Variants in DOCK7 observed in about 807,000 individuals in gnomAD.
DOCK7 encodes dedicator of cytokinesis protein 7.
DOCK7 carries 138 observed loss-of-function variants against 271.0 expected under a neutral mutation model. The observed-to-expected ratio is 0.51, with a 90% CI of 0.44 to 0.59. DOCK7 has a LOEUF of 0.59. Ranked by LOEUF, DOCK7 falls within the 20% of genes least tolerant of loss-of-function variation. The pLI is 0.00. For synonymous variants in DOCK7, 823 were observed against 876.1 expected (o/e 0.94, Z 1.07); for missense variants, 2,066 against 2,592.4 (o/e 0.80, Z 4.41).
intron 14 of DOCK7, among the ~76,000 whole-genome samples, chr1:62,599,082 AG>A (rs1224246721): frequency 6.6e-6 from 1 of 152,078 alleles, no homozygotes; most frequent in Non-Finnish European, 1.5e-5. Context: ...GATTATTGTA[AG>A]AAAAAAAATT....
At chr1:62,535,038 G>C (rs1008207973) in intron 29 of DOCK7, among the ~76,000 whole-genome samples, 3 of 146,020 alleles carry the variant, frequency 2.1e-5, no homozygotes, top group Non-Finnish European at 4.5e-5. Context: ...GCAGTGAGCT[G>C]AGATCCTGCC....
At position 62,492,739 on chromosome 1, in the gene DOCK7, C is replaced by T. The variant is rs757810406; in HGVS notation, c.5326G>A (p.Gly1776Arg). ...GAAGCAGCTGCTTGTTCCAGTAATC[C>T]CACAAGTCCTGACTCAGTAAAGTAT... The part of the protein sequence containing the change: ...GKYFTESGLV[G>R]LLEQAAASFS... The change falls in exon 41 of 50, where the codon GGA (glycine) becomes AGA (arginine). Residue 1776 changes from glycine to arginine, a missense_variant. Coordinates refer to ENST00000635253, the MANE Select transcript of DOCK7 (RefSeq NM_001367561.1). 6.2e-7 allele frequency: 1 copy of T among 1,614,036 alleles called. No individual in the cohort carries two copies. Among genetic ancestry groups the T allele is most frequent in the South Asian group, 1.1e-5 (1 of 91,072 alleles).
intron 48 of DOCK7, 48 bp from the exon 49 acceptor site, chr1:62,457,753 TGG>T (rs1306844841): frequency 2.5e-6 from 4 of 1,579,408 alleles, no homozygotes. Context: ...GCATAGTTTG[TGG>T]GTTTAATGCC....
At chr1:62,553,320 A>T (rs1235320330) in intron 21 of DOCK7, among the ~76,000 whole-genome samples, 5 of 32,582 alleles carry the variant, frequency 1.5e-4, no homozygotes, top group East Asian at 1.1e-3. Context: ...TTTTATATAT[A>T]TATATATATA....
At chr1:62,473,020 C>T (rs1251779588) in intron 48 of DOCK7, among the ~76,000 whole-genome samples, 4 of 152,164 alleles carry the variant, frequency 2.6e-5, no homozygotes, top group Non-Finnish European at 5.9e-5. Context: ...CACCTTTTTC[C>T]TTTGCTGACT....
At chr1:62,527,110 AT>A (rs1645033880) in intron 31 of DOCK7, among the ~76,000 whole-genome samples, 1 of 152,190 alleles carries the variant, frequency 6.6e-6, no homozygotes, top group Non-Finnish European at 1.5e-5. Context: ...TTCCTTAAAT[AT>A]TACTGCATTT....
At chr1:62,555,323 A>G (rs1202930737) in intron 21 of DOCK7, 1 of 152,356 alleles carries the variant, frequency 6.6e-6, no homozygotes, top group Non-Finnish European at 1.5e-5. Context: ...AATGCCCAAC[A>G]GCACTCTGAA....
At chr1:62,455,597 C>T in intron 49 of DOCK7, 141 bp from the exon 50 acceptor site, 2 of 717,020 alleles carry the variant, frequency 2.8e-6, no homozygotes, top group East Asian at 2.7e-5. Context: ...GGATGCTCAT[C>T]CTACCTACTC....
chr1:62,616,488 A>G (rs1435537656), intron 14 of DOCK7, among the ~76,000 whole-genome samples: 1 of 151,810 alleles, frequency 6.6e-6, no homozygotes, highest in Non-Finnish European at 1.5e-5. Flanking sequence ...TACCAATGAG[A>G]AATTTTATTT....
rs554203377 is a variant in DOCK7 at position 62,561,784 on chromosome 1, A to G, written c.2113-81T>C. 7 of 722,786 alleles carry G rather than the reference A, an allele frequency of 9.7e-6. No homozygotes were observed. In the East Asian group the frequency reaches 2.2e-4, roughly 23 times the overall value. 44.8% of individuals were successfully genotyped at this position (722,786 alleles called of 1,614,324 possible). A position where few individuals can be genotyped will look rare whatever the true frequency, so the allele number is the denominator to read the frequency against. ...AAATAAACAAAAATTACAATATCCC[A>G]ATGAGAAAAATATTGTGAAAATATA... On this transcript the variant is annotated intron_variant, in intron 18 of 49. Coordinates refer to ENST00000635253, the MANE Select transcript of DOCK7 (RefSeq NM_001367561.1).
chr1:62,506,145 A>G (rs1394497823), intron 35 of DOCK7, among the ~76,000 whole-genome samples: 4 of 152,274 alleles, frequency 2.6e-5, no homozygotes, highest in Middle Eastern at 3.4e-3. Context: ...AACTAGAGAT[A>G]AGGCTGAAAA....
At chr1:62,623,280 A>C (rs1469882968) in intron 12 of DOCK7, among the ~76,000 whole-genome samples, 1 of 152,204 alleles carries the variant, frequency 6.6e-6, no homozygotes, top group Non-Finnish European at 1.5e-5. Context: ...TAGCTACTTA[A>C]AAATAGTTAC....
chr1:62,586,636 A>C lies in DOCK7; in HGVS notation c.1683-12T>G. The C allele has an allele frequency of 2.0e-6, 3 of 1,509,262 alleles. No individual in the cohort carries two copies. The highest frequency in any genetic ancestry group is 2.8e-6 in the Non-Finnish European group (3 of 1,087,842). 93.5% of individuals were successfully genotyped at this position (1,509,262 alleles called of 1,614,324 possible). On this transcript the variant is annotated splice_polypyrimidine_tract_variant and intron_variant, in intron 14 of 49. Transcript: ENST00000635253. Reference sequence around the variant, plus strand: ...TGTAGAGAAGATTTCTGTGAAAGCAACAGTATAGATGATAGTAAATACATA... The same window carrying C: ...TGTAGAGAAGATTTCTGTGAAAGCACCAGTATAGATGATAGTAAATACATA...
chr1:62,489,111 TAAGA>T, intron 41 of DOCK7, 46 bp from the exon 42 acceptor site: 1 of 1,487,274 alleles, frequency 6.7e-7, no homozygotes, highest in East Asian at 2.3e-5. Context: ...TTTACATCAA[TAAGA>T]AAGAAAAGTA....
chr1:62,528,338 A>C (rs1404046394), intron 30 of DOCK7, 33 bp from the exon 31 acceptor site: 2 of 1,566,384 alleles, frequency 1.3e-6, no homozygotes, highest in South Asian at 2.3e-5. Flanking sequence ...AATAAATAAA[A>C]CTGTTTAGCT....
intron 28 of DOCK7, among the ~76,000 whole-genome samples, chr1:62,536,892 C>A (rs1168016): frequency 0.98 from 149,971 of 152,302 alleles, 73,883 homozygotes; most frequent in Middle Eastern, 1. Flanking sequence ...AAAATCTCTT[C>A]ATCTCAATTT....
At chr1:62,523,557 A>C (rs1186566814) in intron 31 of DOCK7, among the ~76,000 whole-genome samples, 2 of 152,226 alleles carry the variant, frequency 1.3e-5, no homozygotes, top group African/African-American at 4.8e-5. Context: ...TGCAAGACTA[A>C]ATTTAAGTAT....
chr1:62,610,728 C>T (rs1338624020), intron 14 of DOCK7, among the ~76,000 whole-genome samples: 3 of 152,018 alleles, frequency 2.0e-5, no homozygotes, highest in African/African-American at 7.2e-5. Context: ...TTTTCTGTTC[C>T]TGTGTTAGTT....
At chr1:62,532,251 T>C (rs1386979589) in intron 29 of DOCK7, among the ~76,000 whole-genome samples, 1 of 152,108 alleles carries the variant, frequency 6.6e-6, no homozygotes, top group Non-Finnish European at 1.5e-5. Context: ...GCCAGGCTGG[T>C]CTCAAACTCC....
Sources: gnomAD v4.1 joint callset for allele counts (sites outside exome capture counted in the v4.1 genomes callset) on GRCh38, gnomAD v4.1.1 for gene constraint, MANE v1.5 for transcripts, NCBI Gene and HGNC (gene_info 2026-07-23, HGNC 2026-07-21) for gene names.